The following AGAP1 variants were observed in gnomAD, a reference collection of about 807,000 sequenced individuals.
The protein encoded by AGAP1 is ArfGAP with GTPase domain, ankyrin repeat and PH domain 1, also known as arf-GAP with GTPase, ANK repeat and PH domain-containing protein 1.
A neutral mutation model predicts 105.3 loss-of-function variants in AGAP1; 29 were observed. The observed-to-expected ratio is 0.28, with a 90% CI of 0.21 to 0.38. The LOEUF (loss-of-function observed/expected upper bound fraction) is 0.38, where lower values mean the gene tolerates loss of function less well. Among genes scored for constraint, AGAP1 ranks in the 10% least tolerant of loss-of-function variants. The pLI, the probability that AGAP1 is intolerant of heterozygous loss-of-function variation, is 1.00. For synonymous variants in AGAP1, 509 were observed against 485.9 expected, an observed-to-expected ratio of 1.05 and a Z score of -0.63; for missense variants, 998 against 1,165.1, an observed-to-expected ratio of 0.86 and a Z score of 2.09.
At chr2:236,021,440 C>A (rs182668202) in intron 13 of AGAP1, among the ~76,000 whole-genome samples, 252 of 152,226 alleles carry the variant, frequency 1.7e-3, no homozygotes, top group Middle Eastern at 3.4e-3. Context: ...GAGGAACCCG[C>A]CCTAGGCCTG....
chr2:235,640,027 T>C (rs1409038886), intron 1 of AGAP1, among the ~76,000 whole-genome samples: 1 of 152,252 alleles, frequency 6.6e-6, no homozygotes. Flanking sequence ...TAGCAGTCTT[T>C]AGGGCAACCT....
At chr2:235,695,844 T>C (rs1350889151) in intron 1 of AGAP1, among the ~76,000 whole-genome samples, 2 of 152,194 alleles carry the variant, frequency 1.3e-5, no homozygotes, top group Admixed American at 6.5e-5. Context: ...GTGGCTTCTT[T>C]TCTGGACATC....
In AGAP1 at chr2:236,031,610, C is replaced by T. The variant is rs192496046; in HGVS notation, c.1646-4951C>T. 1.2e-4 allele frequency among the ~76,000 whole-genome samples: 19 copies of T among 152,248 alleles called. No individual in the cohort carries two copies. In the East Asian group the frequency reaches 2.5e-3, roughly 20 times the overall value. On this transcript the variant is annotated intron_variant, in intron 13 of 17. Coordinates refer to ENST00000304032, the MANE Select transcript of AGAP1 (RefSeq NM_001037131.3). ...GAGACGCTGAATTCCCACCAGTCTC[C>T]TCTGAAAGGGCCACATTCAAGGGCC...
intron 11 of AGAP1, among the ~76,000 whole-genome samples, chr2:235,910,574 T>C (rs566905127): frequency 6.6e-6 from 1 of 152,356 alleles, no homozygotes; most frequent in East Asian, 1.9e-4. Flanking sequence ...AGTAAAATGC[T>C]GAAGGCTTTA....
chr2:235,797,411 G>A (rs565787993), intron 6 of AGAP1, among the ~76,000 whole-genome samples: 21 of 152,176 alleles, frequency 1.4e-4, no homozygotes, highest in South Asian at 1.2e-3. Context: ...GCCATGTAAC[G>A]TTTGTGCATT....
chr2:235,629,174 CA>C (rs1216758137), intron 1 of AGAP1, among the ~76,000 whole-genome samples: 1 of 151,988 alleles, frequency 6.6e-6, no homozygotes, highest in Non-Finnish European at 1.5e-5. Context: ...TTTGGTTTTC[CA>C]TTCCTGAGTT....
At chr2:235,852,940 A>G (rs2048538015) in intron 9 of AGAP1, 3 of 1,288,012 alleles carry the variant, frequency 2.3e-6, no homozygotes, top group Non-Finnish European at 3.0e-6. Context: ...CGCATCTCTG[A>G]TAGACCTTTG....
chr2:235,827,429 C>G (rs535750862), intron 9 of AGAP1, among the ~76,000 whole-genome samples: 1 of 152,128 alleles, frequency 6.6e-6, no homozygotes, highest in Non-Finnish European at 1.5e-5. Flanking sequence ...AATATTTCTA[C>G]TTGATATTTC....
chr2:235,798,922 T>A (rs997071949), intron 7 of AGAP1, among the ~76,000 whole-genome samples: 7 of 152,072 alleles, frequency 4.6e-5, no homozygotes, highest in Non-Finnish European at 1.0e-4. Context: ...GTGTTTAATT[T>A]TCTGTGAATC....
intron 1 of AGAP1, among the ~76,000 whole-genome samples, chr2:235,606,945 GAAAAAAAAAA>G (rs5839603): frequency 1.6e-5 from 1 of 61,938 alleles, no homozygotes; most frequent in Non-Finnish European, 3.0e-5. Context: ...ACTGCCTCTT[GAAAAAAAAAA>G]AAAAAAAAAA....
In AGAP1 at chr2:235,734,527, A is replaced by G. The variant is rs1230702661; in HGVS notation, c.311-6436A>G. Among the ~76,000 whole-genome samples, 1 of 130,594 alleles carries G rather than the reference A, an allele frequency of 7.7e-6. No homozygotes were observed. The allele number at this position is 130,594 out of a possible 152,430, so 85.7% of individuals were successfully genotyped here. A position where few individuals can be genotyped will look rare whatever the true frequency, so the allele number is the denominator to read the frequency against. On this transcript the variant is annotated intron_variant, in intron 3 of 17. Transcript: ENST00000304032. This position sits in a 1 kb window ranked among gnomAD's most constrained non-coding sequence, Gnocchi z 5.3. ...CATTTTCATCCTTAGCTCAGGCATG[A>G]AAAAAAAAAAAAGAATAGTAAAAAT...
chr2:235,817,075 T>C (rs541768987), intron 9 of AGAP1, among the ~76,000 whole-genome samples: 2 of 152,306 alleles, frequency 1.3e-5, no homozygotes, highest in Admixed American at 6.5e-5. Context: ...ATAGAGGCTT[T>C]GACAACCAAA....
Position 235,582,711 on chromosome 2 carries a change from G to T in AGAP1, c.163+87862G>T, listed in dbSNP as rs566469181. 6.6e-6 allele frequency among the ~76,000 whole-genome samples: 1 copy of T among 152,390 alleles called. No individual in the cohort carries two copies. The highest frequency in any genetic ancestry group is 2.4e-5 in the African/African-American group (1 of 41,604). ...GAGTGATGGCCGAAGGAGCCTGGGA[G>T]AAGTCAGAGAGAGGGGGCTCGTGGT... On this transcript the variant is annotated intron_variant, in intron 1 of 17. Transcript: ENST00000304032. This position sits in a 1 kb window ranked among gnomAD's most constrained non-coding sequence, Gnocchi z 4.7.
chr2:235,568,886 A>G (rs1345611245), intron 1 of AGAP1, among the ~76,000 whole-genome samples: 3 of 151,882 alleles, frequency 2.0e-5, no homozygotes, highest in East Asian at 1.9e-4. Flanking sequence ...CCTCTGCTCT[A>G]TCATCATGTT....
intron 10 of AGAP1, among the ~76,000 whole-genome samples, chr2:235,898,967 T>C: frequency 6.6e-6 from 1 of 152,184 alleles, no homozygotes; most frequent in East Asian, 1.9e-4. Context: ...TGCTGTGAAC[T>C]CCCTTGGCAG....
rs570039359 is a variant in AGAP1 at position 235,956,454 on chromosome 2, C to T, written c.1484-12008C>T. Among the ~76,000 whole-genome samples, 14 of 152,304 alleles carry T rather than the reference C, an allele frequency of 9.2e-5. No homozygotes were observed. In the South Asian group the frequency reaches 2.7e-3, roughly 29 times the overall value. ...TGCCTCACTTGGCCACTCTGTGTTC[C>T]TTCTGTCATCCCTTCAAACTGGATG... On this transcript the variant is annotated intron_variant, in intron 12 of 17. Coordinates refer to ENST00000304032, the MANE Select transcript of AGAP1 (RefSeq NM_001037131.3).
chr2:235,937,869 C>T (rs2125192923), intron 12 of AGAP1, among the ~76,000 whole-genome samples: 2 of 152,366 alleles, frequency 1.3e-5, no homozygotes, highest in East Asian at 3.9e-4. Context: ...CAGCCCAAAA[C>T]ACCAGCGGTG....
chr2:235,916,016 A>G (rs1304406210), intron 11 of AGAP1, among the ~76,000 whole-genome samples: 3 of 152,228 alleles, frequency 2.0e-5, no homozygotes, highest in African/African-American at 7.2e-5. Context: ...ATTCCCTCCT[A>G]AGGACAAATA....
Position 235,901,533 on chromosome 2 carries a change from A to G in AGAP1, c.1156-7205A>G, listed in dbSNP as rs527266008. 6.6e-6 allele frequency among the ~76,000 whole-genome samples: 1 copy of G among 152,368 alleles called. No individual in the cohort carries two copies. The highest frequency in any genetic ancestry group is 2.1e-4 in the South Asian group (1 of 4,834). ...TGGAGCCAATGGCTGCTTTGCAGAC[A>G]TGAAGCTAGACTAGTGGTTCTCAAG... On this transcript the variant is annotated intron_variant, in intron 10 of 17. Coordinates refer to ENST00000304032, the MANE Select transcript of AGAP1 (RefSeq NM_001037131.3). The surrounding 1 kb of genome is among the most constrained non-coding windows in gnomAD (Gnocchi z 4.3).
Sources: allele counts gnomAD v4.1 joint callset (sites outside exome capture counted in the v4.1 genomes callset), GRCh38; gene constraint gnomAD v4.1.1; non-coding constraint Gnocchi (gnomAD v3.1); transcripts MANE v1.5; gene names NCBI Gene and HGNC (gene_info 2026-07-23, HGNC 2026-07-21).